Variants in ENOX1 observed in about 807,000 individuals in gnomAD.
The protein encoded by ENOX1 is candidate growth-related and time keeping constitutive hydroquinone (NADH) oxidase.
In ENOX1, 42 loss-of-function variants were observed where a neutral mutation model predicts 82.5. The ratio of observed to expected loss-of-function variants is 0.51; its 90% CI spans 0.40 to 0.66. The LOEUF (loss-of-function observed/expected upper bound fraction) is 0.66, where lower values mean the gene tolerates loss of function less well. Among genes scored for constraint, ENOX1 ranks in the 30% least tolerant of loss-of-function variants. The pLI, the probability that ENOX1 is intolerant of heterozygous loss-of-function variation, is 0.00. For missense variants in ENOX1, 608 were observed against 811.6 expected (o/e 0.75, Z 3.05); for synonymous variants, 271 against 282.2 (o/e 0.96, Z 0.40).
chr13:43,721,398 A>G (rs1160351794), intron 1 of ENOX1, among the ~76,000 whole-genome samples: 1 of 13,076 alleles, frequency 7.6e-5, no homozygotes, highest in African/African-American at 4.2e-4. Flanking sequence ...TTTTTTTTTG[A>G]GACGGAGTCT....
intron 1 of ENOX1, among the ~76,000 whole-genome samples, chr13:43,720,243 T>G (rs1400726015): frequency 6.6e-6 from 1 of 152,236 alleles, no homozygotes; most frequent in Non-Finnish European, 1.5e-5. Flanking sequence ...AAATGTTCTA[T>G]AAACACACTA....
At chr13:43,665,710 C>T (rs1341313238) in intron 2 of ENOX1, among the ~76,000 whole-genome samples, 1 of 147,800 alleles carries the variant, frequency 6.8e-6, no homozygotes, top group East Asian at 1.9e-4. Flanking sequence ...AAAACCCCAT[C>T]TGCTACTAAT....
intron 2 of ENOX1, among the ~76,000 whole-genome samples, chr13:43,586,026 C>T (rs549950575): frequency 3.9e-5 from 6 of 152,236 alleles, no homozygotes; most frequent in African/African-American, 1.2e-4. Flanking sequence ...CATTTCTTTA[C>T]GGTGAGAATG....
intron 2 of ENOX1, among the ~76,000 whole-genome samples, chr13:43,628,495 G>A (rs1332725502): frequency 6.6e-6 from 1 of 151,968 alleles, no homozygotes; most frequent in Non-Finnish European, 1.5e-5. Context: ...TTTCTTTGCT[G>A]AGCTTTCTAT....
chr13:43,294,001 T>C (rs537954151), intron 12 of ENOX1, among the ~76,000 whole-genome samples: 1 of 152,030 alleles, frequency 6.6e-6, no homozygotes, highest in Admixed American at 6.5e-5. Context: ...ATAATCATCC[T>C]ACTTTTCCCA....
At chr13:43,556,885 G>T (rs1209239674) in intron 2 of ENOX1, among the ~76,000 whole-genome samples, 2 of 152,210 alleles carry the variant, frequency 1.3e-5, no homozygotes, top group Non-Finnish European at 2.9e-5. Flanking sequence ...CTTTTATAAA[G>T]AAACCTCTAT....
At chr13:43,256,459 A>C (rs1163369131) in intron 14 of ENOX1, among the ~76,000 whole-genome samples, 1 of 152,208 alleles carries the variant, frequency 6.6e-6, no homozygotes, top group Non-Finnish European at 1.5e-5. Context: ...GGAACTCAAT[A>C]GCAAAAAGAC....
At chr13:43,679,147 T>G (rs546533949) in intron 1 of ENOX1, among the ~76,000 whole-genome samples, 1 of 152,282 alleles carries the variant, frequency 6.6e-6, no homozygotes, top group East Asian at 1.9e-4. Context: ...AACCTCTTCT[T>G]GACTCAGTTA....
chr13:43,589,593 A>G (rs544168636), intron 2 of ENOX1, among the ~76,000 whole-genome samples: 3 of 151,618 alleles, frequency 2.0e-5, no homozygotes, highest in Admixed American at 1.3e-4. Context: ...CAGCCTTGAA[A>G]CCCTGGGCTC....
chr13:43,587,569 A>C (rs1443445807), intron 2 of ENOX1, among the ~76,000 whole-genome samples: 2 of 152,126 alleles, frequency 1.3e-5, no homozygotes, highest in East Asian at 1.9e-4. Flanking sequence ...TGTCAATTCC[A>C]ATCTTTATGA....
intron 3 of ENOX1, among the ~76,000 whole-genome samples, chr13:43,466,837 T>C (rs1013452138): frequency 1.3e-5 from 2 of 152,184 alleles, no homozygotes; most frequent in African/African-American, 4.8e-5. Context: ...CTACTCAACT[T>C]TCTGTCCCTG....
intron 2 of ENOX1, among the ~76,000 whole-genome samples, chr13:43,528,652 A>G (rs989559150): frequency 2.6e-5 from 4 of 152,036 alleles, no homozygotes; most frequent in Non-Finnish European, 5.9e-5. Context: ...GCTGTAAGTT[A>G]TTCTTTCATA....
rs377693181 is a variant in ENOX1 at position 43,290,686 on chromosome 13, G to A, written c.1446+7660C>T. Among the ~76,000 whole-genome samples the A allele has an allele frequency of 1.8e-4, 27 of 152,224 alleles. No homozygotes were observed. In the East Asian group the frequency reaches 3.1e-3, roughly 17 times the overall value. ...TCTGTACGCTAAACCTCAGCATCAC[G>A]CAATATTCCCATGTAACAAATCTGC... On this transcript the variant is annotated intron_variant, in intron 12 of 16. Coordinates refer to ENST00000690772, the MANE Select transcript of ENOX1 (RefSeq NM_001347969.2).
At chr13:43,271,493 A>G (rs2044679568) in intron 12 of ENOX1, among the ~76,000 whole-genome samples, 1 of 152,124 alleles carries the variant, frequency 6.6e-6, no homozygotes, top group Non-Finnish European at 1.5e-5. Context: ...TGTAACACAT[A>G]CTGCTTTAGT....
chr13:43,743,325 A>T (rs945907061), intron 1 of ENOX1, among the ~76,000 whole-genome samples: 12 of 152,214 alleles, frequency 7.9e-5, no homozygotes, highest in Admixed American at 7.9e-4. Context: ...ACCACAAGAC[A>T]GTGGAGAAAA....
intron 1 of ENOX1, among the ~76,000 whole-genome samples, chr13:43,784,487 T>A (rs1952456601): frequency 6.6e-6 from 1 of 152,260 alleles, no homozygotes; most frequent in South Asian, 2.1e-4. Context: ...CTTTACCATC[T>A]ACTTTAGAAT....
intron 12 of ENOX1, among the ~76,000 whole-genome samples, chr13:43,284,056 G>T (rs959736462): frequency 5.9e-5 from 9 of 152,072 alleles, no homozygotes; most frequent in African/African-American, 1.9e-4. Context: ...TTTGACATCT[G>T]TTGAGATTTG....
At chr13:43,531,473 G>A (rs1290811889) in intron 2 of ENOX1, among the ~76,000 whole-genome samples, 2 of 150,306 alleles carry the variant, frequency 1.3e-5, no homozygotes, top group African/African-American at 4.9e-5. Flanking sequence ...TACACTGTTG[G>A]TGGGACTGTA....
intron 1 of ENOX1, among the ~76,000 whole-genome samples, chr13:43,686,033 C>A (rs1453375417): frequency 6.6e-6 from 1 of 152,054 alleles, no homozygotes; most frequent in African/African-American, 2.4e-5. Flanking sequence ...CAGGCTCTTG[C>A]CACTGTCATG....
Sources: gnomAD v4.1 joint callset for allele counts (sites outside exome capture counted in the v4.1 genomes callset) on GRCh38, gnomAD v4.1.1 for gene constraint, MANE v1.5 for transcripts, NCBI Gene and HGNC (gene_info 2026-07-23, HGNC 2026-07-21) for gene names.